The following PCMTD1 variants were observed in gnomAD, a reference collection of about 807,000 sequenced individuals.
PCMTD1 encodes protein-L-isoaspartate (D-aspartate) O-methyltransferase domain containing 1.
In PCMTD1, 12 loss-of-function variants were observed where a neutral mutation model predicts 37.6. The observed-to-expected ratio is 0.32, with a 90% CI of 0.20 to 0.52. PCMTD1 has a LOEUF of 0.52. PCMTD1 is among the 20% of genes least tolerant of loss of function. The pLI, the probability that PCMTD1 is intolerant of heterozygous loss-of-function variation, is 0.97. For synonymous variants in PCMTD1, 117 were observed against 135.8 expected (o/e 0.86, Z 0.96); for missense variants, 235 against 421.3 (o/e 0.56, Z 3.87).
At position 51,818,166 on chromosome 8, in the gene PCMTD1, T is replaced by A. The variant is rs1425976155; in HGVS notation, c.*2185A>T. On this transcript the variant is annotated 3_prime_UTR_variant, in exon 6 of 6. Transcript: ENST00000522514. ...ATAGATAAAAAGGCTTTAGCTTTAA[T>A]TTTCATTTTTCATTTCTACCTCTTA... The A allele has an allele frequency of 9.6e-6, 3 of 311,804 alleles. No individual in the cohort carries two copies. The highest frequency in any genetic ancestry group is 9.3e-5 in the Admixed American group (2 of 21,548). 19.3% of individuals were successfully genotyped at this position (311,804 alleles called of 1,614,324 possible).
At chr8:51,876,483 A>C (rs1005400826) in intron 1 of PCMTD1, among the ~76,000 whole-genome samples, 2 of 152,220 alleles carry the variant, frequency 1.3e-5, no homozygotes, top group Non-Finnish European at 2.9e-5. Context: ...AGATGTAAGA[A>C]ACCCACCAGT....
At chr8:51,899,117 G>C (rs1007515149), upstream of PCMTD1, 2 of 1,434,562 alleles carry the variant, frequency 1.4e-6, no homozygotes, top group Non-Finnish European at 1.8e-6. Flanking sequence ...GGCATGCGCA[G>C]AGAACCACGG....
intron 2 of PCMTD1, among the ~76,000 whole-genome samples, chr8:51,848,720 T>A (rs1409846679): frequency 6.6e-6 from 1 of 152,172 alleles, no homozygotes; most frequent in African/African-American, 2.4e-5. Flanking sequence ...ATAAAGACAA[T>A]TCATTAATAT....
In PCMTD1 at chr8:51,818,083, A is replaced by T. The variant is rs987610032; in HGVS notation, c.*2268T>A. The T allele has an allele frequency of 2.2e-5, 8 of 369,518 alleles. No homozygotes were observed. Among genetic ancestry groups the T allele is most frequent in the Non-Finnish European group, 3.7e-5 (7 of 189,110 alleles). The allele number at this position is 369,518 out of a possible 1,614,324, so 22.9% of individuals were successfully genotyped here. ...TAATTTTCCATATCAAGTAAACATA[A>T]ATTCATTAAAAAATAAACACAAACC... On this transcript the variant is annotated 3_prime_UTR_variant, in exon 6 of 6. Coordinates refer to ENST00000522514, the MANE Select transcript of PCMTD1 (RefSeq NM_052937.4).
chr8:51,868,267 G>A (rs920635709), intron 1 of PCMTD1, among the ~76,000 whole-genome samples: 1 of 152,110 alleles, frequency 6.6e-6, no homozygotes, highest in African/African-American at 2.4e-5. Context: ...ACCACACTGA[G>A]TGAGAGAGAA....
rs1488868503 is a variant in PCMTD1 at position 51,817,832 on chromosome 8, G to C, written c.*2519C>G. The C allele has an allele frequency of 2.2e-6, 1 of 456,570 alleles. No individual in the cohort carries two copies. The highest frequency in any genetic ancestry group is 2.0e-5 in the African/African-American group (1 of 50,096). 28.3% of individuals were successfully genotyped at this position (456,570 alleles called of 1,614,324 possible). A position where few individuals can be genotyped will look rare whatever the true frequency, so the allele number is the denominator to read the frequency against. On this transcript the variant is annotated 3_prime_UTR_variant, in exon 6 of 6. Transcript: ENST00000522514. ...TCTGAGGTTGCTGATGGATTCTTGG[G>C]ATTGATCTGATGCTAGAAGCTATCT...
At chr8:51,841,860 T>G (rs1402809436) in intron 3 of PCMTD1, among the ~76,000 whole-genome samples, 1 of 152,194 alleles carries the variant, frequency 6.6e-6, no homozygotes, top group African/African-American at 2.4e-5. Flanking sequence ...GTAGGCCAAG[T>G]CCAGACTACA....
Position 51,888,595 on chromosome 8 carries a change from CTTTAT to C in PCMTD1, c.-96+10330_-96+10334del, listed in dbSNP as rs375615498. ...ATGCATGAAAGTCTGAACTCATAGCCTTTATTTTACCATTGGCCATTAACCTTTCT... is the reference window on the plus strand; with the variant it reads ...ATGCATGAAAGTCTGAACTCATAGCCTTTACCATTGGCCATTAACCTTTCT... On this transcript the variant is annotated intron_variant, in intron 1 of 5. Transcript: ENST00000522514. 5.8e-3 allele frequency among the ~76,000 whole-genome samples: 881 copies of C among 152,246 alleles called. 9 individuals carry two copies. The highest frequency in any genetic ancestry group is 0.02 in the African/African-American group (838 of 41,530).
At chr8:51,898,511 CT>C (rs2039043592) in intron 1 of PCMTD1, among the ~76,000 whole-genome samples, 5 of 152,178 alleles carry the variant, frequency 3.3e-5, no homozygotes, top group Admixed American at 3.3e-4. Flanking sequence ...CAAAACGGCC[CT>C]AAGGGGCCCG....
At chr8:51,832,935 TC>T (rs2038017253) in intron 4 of PCMTD1, among the ~76,000 whole-genome samples, 1 of 152,144 alleles carries the variant, frequency 6.6e-6, no homozygotes, top group African/African-American at 2.4e-5. Flanking sequence ...AGCCTCAACC[TC>T]CCGGGCTCAA....
intron 2 of PCMTD1, among the ~76,000 whole-genome samples, chr8:51,858,327 C>T (rs891482351): frequency 6.6e-6 from 1 of 152,056 alleles, no homozygotes; most frequent in Non-Finnish European, 1.5e-5. Flanking sequence ...TATGGGGGAG[C>T]ACCTGTTATC....
intron 3 of PCMTD1, among the ~76,000 whole-genome samples, chr8:51,837,927 G>A (rs756095274): frequency 4.6e-5 from 7 of 151,930 alleles, no homozygotes; most frequent in Non-Finnish European, 8.8e-5. Flanking sequence ...CTACAGAGGT[G>A]GACCACCACA....
intron 2 of PCMTD1, among the ~76,000 whole-genome samples, chr8:51,848,556 T>C (rs886337899): frequency 3.9e-5 from 6 of 152,224 alleles, no homozygotes; most frequent in Non-Finnish European, 7.3e-5. Context: ...AAGACGCCAC[T>C]GGTCTCTTTT....
chr8:51,860,113 A>G (rs2038450158), intron 2 of PCMTD1, among the ~76,000 whole-genome samples: 1 of 152,202 alleles, frequency 6.6e-6, no homozygotes, highest in Non-Finnish European at 1.5e-5. Context: ...GTCACTTCCT[A>G]GATACGTGAC....
intron 2 of PCMTD1, among the ~76,000 whole-genome samples, chr8:51,852,045 T>C (rs10958299): frequency 0.69 from 104,554 of 152,138 alleles, 42,386 homozygotes; most frequent in Non-Finnish European, 0.9. Flanking sequence ...TTGAAGACAC[T>C]TGGGACCAGC....
intron 3 of PCMTD1, among the ~76,000 whole-genome samples, 200 bp from the exon 4 acceptor site, chr8:51,833,889 G>A (rs1304325333): frequency 1.3e-5 from 2 of 151,946 alleles, no homozygotes; most frequent in Non-Finnish European, 2.9e-5. Flanking sequence ...GACATAGGAC[G>A]GACATGTGTT....
At chr8:51,877,174 C>T (rs1248169438) in intron 1 of PCMTD1, among the ~76,000 whole-genome samples, 4 of 152,132 alleles carry the variant, frequency 2.6e-5, no homozygotes, top group African/African-American at 7.2e-5. Context: ...AGCGTACACT[C>T]GCCGGCAGTT....
chr8:51,832,514 A>C (rs2038012176), intron 4 of PCMTD1, among the ~76,000 whole-genome samples: 2 of 152,230 alleles, frequency 1.3e-5, no homozygotes, highest in Admixed American at 6.5e-5. Context: ...GGTCTCAGTC[A>C]TCTTAGATAC....
intron 3 of PCMTD1, 41 bp from the exon 4 acceptor site, chr8:51,833,730 C>CA: frequency 6.5e-7 from 1 of 1,548,206 alleles, no homozygotes; most frequent in Non-Finnish European, 8.7e-7. Context: ...TTAAGCAAAA[C>CA]ATTAGATCTA....
Sources: gnomAD v4.1 joint callset for allele counts (sites outside exome capture counted in the v4.1 genomes callset) on GRCh38, gnomAD v4.1.1 for gene constraint, MANE v1.5 for transcripts, NCBI Gene and HGNC (gene_info 2026-07-23, HGNC 2026-07-21) for gene names.